Variants in JARID2 observed in about 807,000 individuals in gnomAD.
The protein encoded by JARID2 is protein Jumonji.
A neutral mutation model predicts 125.6 loss-of-function variants in JARID2; 21 were observed. The ratio of observed to expected loss-of-function variants is 0.17; its 90% confidence interval spans 0.12 to 0.24. JARID2 has a LOEUF of 0.24. Ranked by LOEUF, JARID2 falls within the 10% of genes least tolerant of loss-of-function variation. JARID2 has a pLI of 1.00. For missense variants in JARID2, 1,303 were observed against 1,639.6 expected (o/e 0.79, Z 3.55); for synonymous variants, 736 against 661.6 (o/e 1.11, Z -1.73).
chr6:15,463,166 C>T (rs1364681384), intron 4 of JARID2, among the ~76,000 whole-genome samples: 1 of 152,088 alleles, frequency 6.6e-6, no homozygotes, highest in Non-Finnish European at 1.5e-5. Flanking sequence ...ATTGACTATA[C>T]TTTTATAATG....
chr6:15,445,932 A>G (rs980196848), intron 3 of JARID2, among the ~76,000 whole-genome samples: 2 of 152,258 alleles, frequency 1.3e-5, no homozygotes, highest in African/African-American at 4.8e-5. Flanking sequence ...TTCTTAACGA[A>G]ACTGAATTCC....
intron 5 of JARID2, among the ~76,000 whole-genome samples, chr6:15,471,920 G>T (rs1367680987): frequency 6.6e-6 from 1 of 152,074 alleles, no homozygotes; most frequent in Non-Finnish European, 1.5e-5. Flanking sequence ...ACATATCTCT[G>T]TGCATTTACA....
intron 1 of JARID2, among the ~76,000 whole-genome samples, chr6:15,259,087 C>T (rs541063254): frequency 1.3e-5 from 2 of 152,244 alleles, no homozygotes; most frequent in East Asian, 3.9e-4. Context: ...TTTTATCTTC[C>T]CTCTGCCTTC....
At chr6:15,470,209 G>C (rs866471078) in intron 5 of JARID2, among the ~76,000 whole-genome samples, 3 of 151,546 alleles carry the variant, frequency 2.0e-5, no homozygotes, top group South Asian at 2.1e-4. Context: ...AGAAAGAGGA[G>C]GGAAGCAAAG....
At chr6:15,502,306 G>A (rs543000815) in intron 8 of JARID2, among the ~76,000 whole-genome samples, 1 of 152,208 alleles carries the variant, frequency 6.6e-6, no homozygotes, top group Non-Finnish European at 1.5e-5. Flanking sequence ...AGTGGGTAGC[G>A]GGGCACCCGG....
rs1017501717 is a variant in JARID2, at chr6:15,392,075, T to C, written c.181+17823T>C. ...GTGTGTGTGTGTGTGTGTGTGTGTG[T>C]GTGCGTGTCTGGAGGTGGCAAAATG... On this transcript the variant is annotated intron_variant, in intron 2 of 17. Transcript: ENST00000341776. 2.4e-4 allele frequency among the ~76,000 whole-genome samples: 14 copies of C among 59,304 alleles called. No homozygotes were observed. In the East Asian group the frequency reaches 3.3e-3, roughly 14 times the overall value. 38.9% of individuals were successfully genotyped at this position (59,304 alleles called of 152,430 possible). A position where few individuals can be genotyped will look rare whatever the true frequency, so the allele number is the denominator to read the frequency against.
intron 1 of JARID2, among the ~76,000 whole-genome samples, chr6:15,283,575 C>T (rs1483930607): frequency 1.3e-5 from 2 of 151,810 alleles, no homozygotes; most frequent in East Asian, 1.9e-4. Flanking sequence ...ATCTGCCGAC[C>T]TTGTGCTCCG....
At chr6:15,355,759 G>A (rs570445971) in intron 1 of JARID2, among the ~76,000 whole-genome samples, 3 of 152,074 alleles carry the variant, frequency 2.0e-5, no homozygotes, top group South Asian at 2.1e-4. Flanking sequence ...CCACAGGTGC[G>A]TGCCACCACG....
chr6:15,256,822 A>G (rs1225801949), intron 1 of JARID2, among the ~76,000 whole-genome samples: 1 of 152,232 alleles, frequency 6.6e-6, no homozygotes, highest in African/African-American at 2.4e-5. Context: ...CCACAAGAGT[A>G]GGGGCTGAAT....
At chr6:15,307,768 T>C (rs1761885454) in intron 1 of JARID2, among the ~76,000 whole-genome samples, 1 of 152,178 alleles carries the variant, frequency 6.6e-6, no homozygotes, top group South Asian at 2.1e-4. Context: ...TAATTTAAGA[T>C]TTATTACTAG....
intron 1 of JARID2, among the ~76,000 whole-genome samples, chr6:15,343,630 G>A (rs1021694411): frequency 3.3e-5 from 5 of 152,224 alleles, no homozygotes; most frequent in Admixed American, 1.3e-4. Flanking sequence ...AAGGGCAGCC[G>A]GTATCCTGTC....
At chr6:15,261,349 C>G (rs1759868824) in intron 1 of JARID2, among the ~76,000 whole-genome samples, 1 of 132,140 alleles carries the variant, frequency 7.6e-6, no homozygotes, top group South Asian at 2.3e-4. Flanking sequence ...GAGTCTTGCT[C>G]TGTGGCCTGG....
intron 2 of JARID2, among the ~76,000 whole-genome samples, chr6:15,405,399 T>G (rs905055784): frequency 2.0e-5 from 3 of 152,354 alleles, no homozygotes; most frequent in African/African-American, 7.2e-5. Context: ...CTAAATGGTC[T>G]TGGATCCCAG....
intron 1 of JARID2, among the ~76,000 whole-genome samples, chr6:15,287,838 A>G (rs370926274): frequency 6.6e-6 from 1 of 152,180 alleles, no homozygotes; most frequent in Admixed American, 6.5e-5. Flanking sequence ...AATCATGGAC[A>G]TTTATGAAAA....
intron 5 of JARID2, among the ~76,000 whole-genome samples, chr6:15,471,521 T>G (rs742101): frequency 0.25 from 37,648 of 152,038 alleles, 5,260 homozygotes; most frequent in East Asian, 0.42. Context: ...ATAAGTTGTT[T>G]TTCACCCTTT....
chr6:15,353,954 A>T (rs1763513965), intron 1 of JARID2, among the ~76,000 whole-genome samples: 1 of 152,204 alleles, frequency 6.6e-6, no homozygotes, highest in Non-Finnish European at 1.5e-5. Flanking sequence ...CCTAAAGCGT[A>T]CAGTTTAAGA....
intron 3 of JARID2, among the ~76,000 whole-genome samples, chr6:15,449,505 G>A (rs1767821701): frequency 6.6e-6 from 1 of 151,570 alleles, no homozygotes; most frequent in African/African-American, 2.4e-5. Context: ...CCCAGCAACA[G>A]CAACAAGCCA....
intron 1 of JARID2, among the ~76,000 whole-genome samples, chr6:15,307,218 G>A (rs557253961): frequency 5.9e-5 from 9 of 152,126 alleles, no homozygotes; most frequent in African/African-American, 2.2e-4. Flanking sequence ...CTCCAGTCTG[G>A]GCTACAGAGT....
intron 2 of JARID2, among the ~76,000 whole-genome samples, chr6:15,377,746 C>G (rs1764413126): frequency 6.6e-6 from 1 of 151,384 alleles, no homozygotes; most frequent in South Asian, 2.1e-4. Flanking sequence ...GTTGGCCATG[C>G]TGGTCTGAAA....
Sources: gnomAD v4.1 joint callset for allele counts (sites outside exome capture counted in the v4.1 genomes callset) on GRCh38, gnomAD v4.1.1 for gene constraint, MANE v1.5 for transcripts, NCBI Gene and HGNC (gene_info 2026-07-23, HGNC 2026-07-21) for gene names.